The following BAZ1A variants were observed in gnomAD, a reference collection of about 807,000 sequenced individuals.
BAZ1A encodes the protein bromodomain adjacent to zinc finger domain protein 1A.
BAZ1A carries 50 observed loss-of-function variants against 185.2 expected under a neutral mutation model. That is an observed-to-expected ratio of 0.27 (90% CI 0.22 to 0.34). The LOEUF (loss-of-function observed/expected upper bound fraction) is 0.34. Among genes scored for constraint, BAZ1A ranks in the 10% least tolerant of loss-of-function variants. The pLI is 1.00. For synonymous variants in BAZ1A, 571 were observed against 615.6 expected, an observed-to-expected ratio of 0.93 and a Z score of 1.07; for missense variants, 1,356 against 1,839.9, an observed-to-expected ratio of 0.74 and a Z score of 4.81.
chr14:34,835,144 C>A (rs1165561882), intron 3 of BAZ1A, among the ~76,000 whole-genome samples: 4 of 151,894 alleles, frequency 2.6e-5, no homozygotes, highest in Non-Finnish European at 5.9e-5. Context: ...TCACTGCAAC[C>A]CCTGCCTCCT....
chr14:34,829,444 A>G (rs1169832900), intron 3 of BAZ1A, among the ~76,000 whole-genome samples: 1 of 152,154 alleles, frequency 6.6e-6, no homozygotes, highest in Non-Finnish European at 1.5e-5. Context: ...ATTGGCCAAA[A>G]AATAAATTAA....
At chr14:34,755,191 T>TAATA (rs990362593) in intron 25 of BAZ1A, among the ~76,000 whole-genome samples, 1 of 152,182 alleles carries the variant, frequency 6.6e-6, no homozygotes, top group African/African-American at 2.4e-5. Context: ...ATTGCATTTG[T>TAATA]AATAATGAAT....
At chr14:34,865,042 C>T (rs994207084) in intron 2 of BAZ1A, among the ~76,000 whole-genome samples, 1 of 152,090 alleles carries the variant, frequency 6.6e-6, no homozygotes, top group African/African-American at 2.4e-5. Flanking sequence ...TCCCAAAGTG[C>T]TAAAATTACA....
chr14:34,849,550 A>T (rs2042565986), intron 3 of BAZ1A, among the ~76,000 whole-genome samples: 1 of 152,194 alleles, frequency 6.6e-6, no homozygotes, highest in South Asian at 2.1e-4. Flanking sequence ...AACAGATTTT[A>T]AAAAATTTAT....
intron 2 of BAZ1A, among the ~76,000 whole-genome samples, chr14:34,870,027 G>A (rs1176045102): frequency 2.6e-5 from 4 of 152,168 alleles, no homozygotes; most frequent in Admixed American, 2.0e-4. Flanking sequence ...CTAAGTGAGT[G>A]AGCCCAGAGG....
At chr14:34,796,042 G>A (rs1385695571) in intron 9 of BAZ1A, among the ~76,000 whole-genome samples, 3 of 152,138 alleles carry the variant, frequency 2.0e-5, no homozygotes, top group Non-Finnish European at 2.9e-5. Context: ...GCTCACACAT[G>A]TAATCCCAGC....
intron 25 of BAZ1A, among the ~76,000 whole-genome samples, chr14:34,758,034 A>C (rs2138529875): frequency 6.7e-6 from 1 of 149,784 alleles, no homozygotes; most frequent in South Asian, 2.2e-4. Context: ...GGTGTGAGCC[A>C]CAGCGCCCGG....
intron 3 of BAZ1A, among the ~76,000 whole-genome samples, chr14:34,837,150 TG>T (rs1467741004): frequency 6.6e-6 from 1 of 151,970 alleles, no homozygotes; most frequent in African/African-American, 2.4e-5. Flanking sequence ...AACTGGCATT[TG>T]ACCTATTATA....
intron 2 of BAZ1A, among the ~76,000 whole-genome samples, chr14:34,868,894 ATGTATGTG>A (rs1189225307): frequency 0.027 from 1,885 of 71,082 alleles, 33 homozygotes; most frequent in African/African-American, 0.075. Context: ...GTATGTAAGT[ATGTATGTG>A]TGTGTGTGTG....
chr14:34,761,676 A>T, intron 24 of BAZ1A, 81 bp downstream of exon 24: 1 of 1,281,204 alleles, frequency 7.8e-7, no homozygotes, highest in Non-Finnish European at 1.1e-6. Context: ...ACTTTAAAAA[A>T]TGATCCAAAG....
At chr14:34,775,892 T>TA in intron 18 of BAZ1A, 27 bp downstream of exon 18, 1 of 1,541,852 alleles carries the variant, frequency 6.5e-7, no homozygotes, top group Non-Finnish European at 8.8e-7. Flanking sequence ...GGAAAAAAAG[T>TA]AAAAACAATT....
intron 3 of BAZ1A, among the ~76,000 whole-genome samples, chr14:34,855,478 GTTCT>G (rs1380717870): frequency 6.6e-6 from 1 of 152,150 alleles, no homozygotes; most frequent in Admixed American, 6.5e-5. Context: ...TTTGCTAATT[GTTCT>G]TTCGTCAGTT....
intron 12 of BAZ1A, among the ~76,000 whole-genome samples, chr14:34,787,458 G>A (rs992781770): frequency 6.6e-6 from 1 of 151,934 alleles, no homozygotes; most frequent in African/African-American, 2.4e-5. Context: ...GCTGAGGCGG[G>A]CAGATCACTT....
At chr14:34,839,573 G>T (rs1356793089) in intron 3 of BAZ1A, among the ~76,000 whole-genome samples, 1 of 149,870 alleles carries the variant, frequency 6.7e-6, no homozygotes, top group Non-Finnish European at 1.5e-5. Context: ...GCCAGGCGTG[G>T]TGGCTCACAC....
chr14:34,802,886 C>T lies in BAZ1A; in HGVS notation c.829G>A (p.Gly277Arg). 1 of 1,613,738 alleles carries T rather than the reference C, an allele frequency of 6.2e-7. No homozygotes were observed. The highest frequency in any genetic ancestry group is 8.5e-7 in the Non-Finnish European group (1 of 1,179,736). ...FIFSPANRRR[G>R]RPPKRIHISQ... ...ATATGTATTCGTTTGGGAGGTCTCC[C>T]TCTTCGTCTGTTAGCAGGACTGAAG... The change falls in exon 7 of 27, where the codon GGG (glycine) becomes AGG (arginine). Residue 277 changes from glycine (G) to arginine (R), a missense_variant. Transcript: ENST00000360310.
At chr14:34,795,840 G>T (rs572901044) in intron 9 of BAZ1A, 75 bp from the exon 10 acceptor site, 35 of 1,129,766 alleles carry the variant, frequency 3.1e-5, no homozygotes, top group Non-Finnish European at 3.9e-5. Context: ...CTGAGAACTT[G>T]TTAGAAATGC....
At chr14:34,803,513 C>G (rs1881688857) in intron 6 of BAZ1A, among the ~76,000 whole-genome samples, 1 of 151,556 alleles carries the variant, frequency 6.6e-6, no homozygotes, top group Non-Finnish European at 1.5e-5. Context: ...AAAAAGAAAA[C>G]CACAATTCAA....
At position 34,754,810 on chromosome 14, in the gene BAZ1A, A is replaced by C; in HGVS notation, c.4474+17T>G. On this transcript the variant is annotated intron_variant, in intron 26 of 26. Transcript: ENST00000360310. The stretch of plus-strand genomic sequence containing the variant: ...CCTTAGAAAAATAAATATCAAAGAA[A>C]AACATAAATTACTTACATGCTAATT... 6.6e-7 allele frequency: 1 copy of C among 1,506,520 alleles called. No individual in the cohort carries two copies. The highest frequency in any genetic ancestry group is 9.1e-7 in the Non-Finnish European group (1 of 1,104,968). 93.3% of individuals were successfully genotyped at this position (1,506,520 alleles called of 1,614,324 possible). A position where few individuals can be genotyped will look rare whatever the true frequency, so the allele number is the denominator to read the frequency against.
In BAZ1A at chr14:34,862,338, A is replaced by G; in HGVS notation, c.114-16T>C. The stretch of plus-strand genomic sequence containing the variant: ...AAAAAAGTCACTGATTAAAAAACAA[A>G]AACAAAAACAAAAGCCCATTACCTA... On this transcript the variant is annotated splice_polypyrimidine_tract_variant and intron_variant, in intron 2 of 26. Transcript: ENST00000360310. 6.3e-7 allele frequency: 1 copy of G among 1,582,744 alleles called. No individual in the cohort carries two copies. Among genetic ancestry groups the G allele is most frequent in the Middle Eastern group, 1.7e-4 (1 of 5,882 alleles).
Sources: allele counts gnomAD v4.1 joint callset (sites outside exome capture counted in the v4.1 genomes callset), GRCh38; gene constraint gnomAD v4.1.1; transcripts MANE v1.5; gene names NCBI Gene and HGNC (gene_info 2026-07-23, HGNC 2026-07-21).